Variants in PCDH10 observed in about 807,000 individuals in gnomAD.
The protein encoded by PCDH10 is protocadherin 10, also known as protocadherin-10.
Under a neutral mutation model 74.4 loss-of-function variants are expected in PCDH10, and 15 were observed. The observed-to-expected ratio is 0.20, with a 90% CI of 0.13 to 0.31. The LOEUF is 0.31. Ranked by LOEUF, PCDH10 falls within the 10% of genes least tolerant of loss-of-function variation. The pLI, the probability that PCDH10 is intolerant of heterozygous loss-of-function variation, is 1.00. For missense variants in PCDH10, 1,260 were observed against 1,390.2 expected (o/e 0.91, Z 1.49); for synonymous variants, 619 against 589.8 (o/e 1.05, Z -0.72).
chr4:133,152,129 T>A lies in PCDH10; in HGVS notation c.1989T>A (p.His663Gln), dbSNP rs759683647. The stretch of plus-strand genomic sequence containing the variant: ...AGCTGGTGATCGAGGTGCGCGACCA[T>A]GGGCAGCCGCCCCTTTCCTCCACCG... ...PYELVIEVRD[H>Q]GQPPLSSTAT... is the part of the protein sequence containing the mutation. The change falls in exon 1 of 5, where the codon CAT becomes CAA. Residue 663 changes from histidine (H) to glutamine (Q), a missense_variant. His to Gln is a conservative substitution (Grantham distance 24). Around this residue, in one of 11 missense-constraint regions of PCDH10, gnomAD observed 587 missense variants for 616.9 expected, o/e 0.95. Transcript: ENST00000264360. The A allele has an allele frequency of 5.1e-6, 8 of 1,567,754 alleles. No homozygotes were observed. In the Admixed American group the frequency reaches 1.3e-4, roughly 25 times the overall value.
At chr4:133,174,146 A>G (rs1727248552) in intron 4 of PCDH10, among the ~76,000 whole-genome samples, 1 of 151,946 alleles carries the variant, frequency 6.6e-6, no homozygotes, top group African/African-American at 2.4e-5. Context: ...TTAGTATAGA[A>G]CAGCTGACAA....
rs186597349 is a variant in PCDH10 at position 133,206,992 on chromosome 4, A to G, written n.438-1084A>G. Among the ~76,000 whole-genome samples, 39 of 152,212 alleles carry G rather than the reference A, an allele frequency of 2.6e-4. No homozygotes were observed. In the East Asian group the frequency reaches 7.3e-3, roughly 29 times the overall value. On this transcript the variant is annotated intron_variant and non_coding_transcript_variant, in intron 2 of 2. Transcript: ENST00000511112. ...TAAAATTTAAAATATTAATTGGTTTATTTCATTACATGTCAATAAACAAAA... is the reference window on the plus strand; with the variant it reads ...TAAAATTTAAAATATTAATTGGTTTGTTTCATTACATGTCAATAAACAAAA...
At chr4:133,190,106 C>G (rs1727627911) in intron 4 of PCDH10, 35 bp from the exon 5 acceptor site, 11 of 1,584,372 alleles carry the variant, frequency 6.9e-6, no homozygotes, top group Non-Finnish European at 8.7e-6. Context: ...AAGTCAACCT[C>G]TTTTTCTTAG....
downstream of PCDH10, among the ~76,000 whole-genome samples, chr4:133,199,660 A>G (rs1472990423): frequency 6.6e-6 from 1 of 151,348 alleles, no homozygotes; most frequent in Admixed American, 6.6e-5. Context: ...TCTTATTTGT[A>G]GAAAGGCTTT....
At chr4:133,154,134 A>G (rs911826437) in intron 1 of PCDH10, among the ~76,000 whole-genome samples, 173 bp from the exon 2 acceptor site, 2 of 152,160 alleles carry the variant, frequency 1.3e-5, no homozygotes, top group Non-Finnish European at 2.9e-5. Flanking sequence ...GTGTCCCTGC[A>G]TATCTCCCCT....
intron 4 of PCDH10, among the ~76,000 whole-genome samples, chr4:133,180,895 C>A (rs1727402347): frequency 6.6e-6 from 1 of 151,332 alleles, no homozygotes; most frequent in Non-Finnish European, 1.5e-5. Flanking sequence ...AGGATATTAT[C>A]TTGTTTCAAT....
chr4:133,198,253 CA>C (rs1320677372), downstream of PCDH10, among the ~76,000 whole-genome samples: 2 of 151,100 alleles, frequency 1.3e-5, no homozygotes, highest in Non-Finnish European at 2.9e-5. Context: ...ACAAAGACTA[CA>C]AAAAAACAAC....
At chr4:133,154,450 A>G (rs1333490805) in intron 2 of PCDH10, 85 bp downstream of exon 2, 1 of 710,300 alleles carries the variant, frequency 1.4e-6, no homozygotes, top group Non-Finnish European at 2.3e-6. Flanking sequence ...CTAAATTAAA[A>G]TTGAAATGTA....
chr4:133,169,884 A>G (rs1727168470), intron 4 of PCDH10, among the ~76,000 whole-genome samples: 1 of 152,054 alleles, frequency 6.6e-6, no homozygotes, highest in Non-Finnish European at 1.5e-5. Flanking sequence ...TCATTTAGAT[A>G]ATATAGATTA....
chr4:133,164,663 T>G (rs1437244954), intron 4 of PCDH10, among the ~76,000 whole-genome samples: 2 of 151,704 alleles, frequency 1.3e-5, no homozygotes, highest in Non-Finnish European at 3.0e-5. Flanking sequence ...GAAATTACAC[T>G]TACACATAGA....
At chr4:133,167,804 A>G (rs1357235812) in intron 4 of PCDH10, among the ~76,000 whole-genome samples, 1 of 151,272 alleles carries the variant, frequency 6.6e-6, no homozygotes, top group African/African-American at 2.4e-5. Context: ...TTAGAAATAT[A>G]CTAGTCATTA....
chr4:133,200,411 A>C (rs1321207442), intron 2 of PCDH10, among the ~76,000 whole-genome samples: 1 of 152,042 alleles, frequency 6.6e-6, no homozygotes, highest in Non-Finnish European at 1.5e-5. Flanking sequence ...TAAGTAATAA[A>C]GATAAAGAAA....
rs1726682224 is a variant in PCDH10, at chr4:133,151,295, C to G, written c.1155C>G (p.Arg385=). The change falls in exon 1 of 5, where the codon CGC becomes CGG. Residue 385 remains arginine (R), a synonymous_variant. Transcript: ENST00000264360. Reference sequence around the variant, plus strand: ...TGGCCCTTTTCAGCGTGACTGACCGCGACTCAGAGGAGAATGGGCAGGTGC... The same window carrying G: ...TGGCCCTTTTCAGCGTGACTGACCGGGACTCAGAGGAGAATGGGCAGGTGC... The part of the protein sequence containing the change: ...TVVALFSVTD[R]DSEENGQVQC... 1 of 1,613,988 alleles carries G rather than the reference C, an allele frequency of 6.2e-7. No individual in the cohort carries two copies. The highest frequency in any genetic ancestry group is 8.5e-7 in the Non-Finnish European group (1 of 1,180,030).
At chr4:133,203,702 T>C (rs1727948070) in intron 2 of PCDH10, among the ~76,000 whole-genome samples, 1 of 152,222 alleles carries the variant, frequency 6.6e-6, no homozygotes, top group Admixed American at 6.5e-5. Context: ...ATTTTGAATT[T>C]CTTAACATGT....
chr4:133,184,791 T>TAA (rs1560714372), intron 4 of PCDH10, among the ~76,000 whole-genome samples: 3 of 139,046 alleles, frequency 2.2e-5, no homozygotes, highest in Non-Finnish European at 4.6e-5. Context: ...TATAAATATA[T>TAA]ATATTTATAT....
intron 4 of PCDH10, among the ~76,000 whole-genome samples, chr4:133,169,948 A>G (rs1727169583): frequency 6.6e-6 from 1 of 152,034 alleles, no homozygotes; most frequent in African/African-American, 2.4e-5. Flanking sequence ...ATATTACTGA[A>G]TTAAGATTAA....
Position 133,192,476 on chromosome 4 carries a change from T to C in PCDH10, c.*2316T>C, listed in dbSNP as rs1285675875. 1 of 151,664 alleles carries C rather than the reference T, an allele frequency of 6.6e-6. No homozygotes were observed. The highest frequency in any genetic ancestry group is 2.4e-5 in the African/African-American group (1 of 41,430). The allele number at this position is 151,664 out of a possible 1,614,324, so 9.4% of individuals were successfully genotyped here. On this transcript the variant is annotated 3_prime_UTR_variant, in exon 5 of 5. Transcript: ENST00000264360. ...ATACTCACTTCATGTATAGTAATTA[T>C]ATTGTCATTTACCTCAAAGACATTT...
intron 4 of PCDH10, among the ~76,000 whole-genome samples, chr4:133,176,573 A>G (rs867218335): frequency 2.0e-5 from 3 of 152,174 alleles, no homozygotes; most frequent in Admixed American, 1.3e-4. Context: ...ATCAGACTCC[A>G]AATGTTCTTT....
Position 133,193,521 on chromosome 4 carries a change from T to C in PCDH10, c.*3361T>C, listed in dbSNP as rs757750219. On this transcript the variant is annotated 3_prime_UTR_variant, in exon 5 of 5. Coordinates refer to ENST00000264360, the MANE Select transcript of PCDH10 (RefSeq NM_032961.3). ...ATCTCACAATTCCCAATATAATCTT[T>C]AACAACTGTACGTTAATTGTACCAT... is the stretch of plus-strand genomic sequence containing the variant. 1 of 151,724 alleles carries C rather than the reference T, an allele frequency of 6.6e-6. No homozygotes were observed. The highest frequency in any genetic ancestry group is 2.4e-5 in the African/African-American group (1 of 41,434). 9.4% of individuals were successfully genotyped at this position (151,724 alleles called of 1,614,324 possible). A position where few individuals can be genotyped will look rare whatever the true frequency, so the allele number is the denominator to read the frequency against.
Sources: allele counts gnomAD v4.1 joint callset (sites outside exome capture counted in the v4.1 genomes callset), GRCh38; gene constraint gnomAD v4.1.1; regional missense constraint gnomAD v4.1.1; transcripts MANE v1.5; gene names NCBI Gene and HGNC (gene_info 2026-07-23, HGNC 2026-07-21).